The following NKAIN2 variants were observed in gnomAD, a reference collection of about 807,000 sequenced individuals.
NKAIN2 encodes sodium/potassium-transporting ATPase subunit beta-1-interacting protein 2.
A neutral mutation model predicts 32.6 loss-of-function variants in NKAIN2; 14 were observed. The ratio of observed to expected loss-of-function variants is 0.43; its 90% CI spans 0.28 to 0.67. NKAIN2 has a LOEUF of 0.67. Ranked by LOEUF, NKAIN2 falls within the 30% of genes least tolerant of loss-of-function variation. NKAIN2 has a pLI of 0.17. For missense variants in NKAIN2, 198 were observed against 258.3 expected (o/e 0.77, Z 1.60); for synonymous variants, 80 against 87.2 (o/e 0.92, Z 0.46).
At chr6:124,484,430 T>A (rs548776718) in intron 3 of NKAIN2, among the ~76,000 whole-genome samples, 160 of 152,306 alleles carry the variant, frequency 1.1e-3, no homozygotes, top group African/African-American at 3.8e-3. Context: ...TCAAATGGAA[T>A]CCTTTTACTT....
chr6:124,360,568 A>G (rs1229191442), intron 3 of NKAIN2, among the ~76,000 whole-genome samples: 1 of 152,142 alleles, frequency 6.6e-6, no homozygotes, highest in African/African-American at 2.4e-5. Flanking sequence ...ATTTCCATTA[A>G]CATATTTTAA....
chr6:124,051,989 A>C, intron 1 of NKAIN2, among the ~76,000 whole-genome samples: 1 of 152,102 alleles, frequency 6.6e-6, no homozygotes, highest in East Asian at 1.9e-4. Context: ...GGAGGGGCCA[A>C]GAAGCAGACT....
chr6:123,953,929 C>G (rs532850822), intron 1 of NKAIN2, among the ~76,000 whole-genome samples: 1 of 152,272 alleles, frequency 6.6e-6, no homozygotes, highest in South Asian at 2.1e-4. Context: ...TGCTTTGGCC[C>G]CAACTGTTGT....
chr6:124,060,133 A>G (rs1782857853), intron 1 of NKAIN2, among the ~76,000 whole-genome samples: 1 of 152,170 alleles, frequency 6.6e-6, no homozygotes. Flanking sequence ...AATGAGGAGT[A>G]TGGTTAACTC....
At chr6:124,489,112 A>G (rs2114719823) in intron 3 of NKAIN2, among the ~76,000 whole-genome samples, 1 of 152,110 alleles carries the variant, frequency 6.6e-6, no homozygotes, top group African/African-American at 2.4e-5. Flanking sequence ...ATATAATCGG[A>G]GCTTGATAAA....
At chr6:124,589,634 T>G (rs1268203195) in intron 3 of NKAIN2, among the ~76,000 whole-genome samples, 8 of 152,218 alleles carry the variant, frequency 5.3e-5, no homozygotes, top group Non-Finnish European at 1.0e-4. Flanking sequence ...AATTACATAT[T>G]CAAATGTAGA....
At chr6:124,570,746 G>A (rs1199673544) in intron 3 of NKAIN2, among the ~76,000 whole-genome samples, 1 of 152,216 alleles carries the variant, frequency 6.6e-6, no homozygotes, top group Admixed American at 6.5e-5. Flanking sequence ...GGGAAATGTG[G>A]GGTTATGGGG....
intron 1 of NKAIN2, among the ~76,000 whole-genome samples, chr6:124,008,628 T>C (rs995033574): frequency 6.6e-6 from 1 of 152,116 alleles, no homozygotes; most frequent in African/African-American, 2.4e-5. Flanking sequence ...AACAGGTGTT[T>C]GTTTAGATGC....
intron 4 of NKAIN2, among the ~76,000 whole-genome samples, chr6:124,692,565 G>A (rs532359514): frequency 4.6e-5 from 7 of 152,050 alleles, no homozygotes; most frequent in African/African-American, 1.4e-4. Flanking sequence ...ACCTGTAATC[G>A]CAGCACTTTG....
intron 2 of NKAIN2, among the ~76,000 whole-genome samples, chr6:124,334,992 G>A (rs1434612762): frequency 1.3e-5 from 2 of 152,112 alleles, no homozygotes; most frequent in African/African-American, 4.8e-5. Flanking sequence ...TGCAAAGGTG[G>A]TTTCACTGAA....
intron 2 of NKAIN2, among the ~76,000 whole-genome samples, chr6:124,338,244 G>A (rs977392456): frequency 4.6e-5 from 7 of 152,096 alleles, no homozygotes; most frequent in Admixed American, 2.6e-4. Flanking sequence ...TTCATTTATA[G>A]TGTTAAAATT....
rs5879704 is a variant in NKAIN2, at chr6:123,842,674, GT to G, written c.54+38430del. Among the ~76,000 whole-genome samples, 169 of 147,962 alleles carry G rather than the reference GT, an allele frequency of 1.1e-3. 1 individual carries two copies. Among genetic ancestry groups the G allele is most frequent in the African/African-American group, 4.0e-3 (164 of 40,506 alleles). ...TGATTTGACTCTTGTCTATGTTTTT[GT>G]TTTTTTTTTCCCTAATTTAACGTCC... On this transcript the variant is annotated intron_variant, in intron 1 of 6. Coordinates refer to ENST00000368417, the MANE Select transcript of NKAIN2 (RefSeq NM_001040214.3).
intron 1 of NKAIN2, among the ~76,000 whole-genome samples, chr6:123,936,952 A>G (rs1776538740): frequency 6.6e-6 from 1 of 152,120 alleles, no homozygotes; most frequent in African/African-American, 2.4e-5. Flanking sequence ...ATCTGGCCAT[A>G]AGTAAAAACT....
intron 4 of NKAIN2, among the ~76,000 whole-genome samples, chr6:124,783,711 A>T (rs974014511): frequency 6.6e-6 from 1 of 152,200 alleles, no homozygotes; most frequent in Non-Finnish European, 1.5e-5. Flanking sequence ...AAAGACCTTC[A>T]TTAATAACAC....
intron 5 of NKAIN2, among the ~76,000 whole-genome samples, chr6:124,798,162 G>A (rs377087627): frequency 1.3e-5 from 2 of 151,806 alleles, no homozygotes; most frequent in Non-Finnish European, 2.9e-5. Flanking sequence ...CATTCTGTTT[G>A]GTAGTCTGAG....
At chr6:124,254,953 G>T (rs1039470386) in intron 1 of NKAIN2, among the ~76,000 whole-genome samples, 1 of 152,100 alleles carries the variant, frequency 6.6e-6, no homozygotes, top group South Asian at 2.1e-4. Context: ...TCCCCTGACT[G>T]CTTTAGTCTT....
At chr6:124,560,793 C>T (rs1780661003) in intron 3 of NKAIN2, among the ~76,000 whole-genome samples, 1 of 152,160 alleles carries the variant, frequency 6.6e-6, no homozygotes, top group Non-Finnish European at 1.5e-5. Context: ...TTGAAATAAT[C>T]TACTTTAAAT....
At chr6:124,263,189 A>G (rs992340281) in intron 1 of NKAIN2, among the ~76,000 whole-genome samples, 5 of 152,202 alleles carry the variant, frequency 3.3e-5, no homozygotes, top group African/African-American at 7.2e-5. Context: ...GTACATTTGC[A>G]TATGAAGTAC....
At chr6:124,127,756 G>A (rs887204442) in intron 1 of NKAIN2, among the ~76,000 whole-genome samples, 6 of 152,030 alleles carry the variant, frequency 3.9e-5, no homozygotes, top group East Asian at 1.9e-4. Flanking sequence ...TTACATTTCC[G>A]CCAACCTGGG....
Sources: gnomAD v4.1 joint callset for allele counts (sites outside exome capture counted in the v4.1 genomes callset) on GRCh38, gnomAD v4.1.1 for gene constraint, MANE v1.5 for transcripts, NCBI Gene and HGNC (gene_info 2026-07-23, HGNC 2026-07-21) for gene names.